PIK3C2A: variants seen among roughly 807,000 people sequenced by gnomAD.
PIK3C2A encodes phosphatidylinositol 4-phosphate 3-kinase C2 domain-containing subunit alpha.
In PIK3C2A, 97 loss-of-function variants were observed where a neutral mutation model predicts 204.5. The ratio of observed to expected loss-of-function variants is 0.47; its 90% CI spans 0.40 to 0.56. The LOEUF (loss-of-function observed/expected upper bound fraction) is 0.56, where lower values mean the gene tolerates loss of function less well. PIK3C2A is among the 20% of genes least tolerant of loss of function. The pLI, the probability that PIK3C2A is intolerant of heterozygous loss-of-function variation, is 0.00. For synonymous variants in PIK3C2A, 653 were observed against 664.4 expected, an observed-to-expected ratio of 0.98 and a Z score of 0.26; for missense variants, 1,735 against 1,969.2, an observed-to-expected ratio of 0.88 and a Z score of 2.25.
At chr11:17,124,089 C>T (rs910262223) in intron 13 of PIK3C2A, among the ~76,000 whole-genome samples, 9 of 151,856 alleles carry the variant, frequency 5.9e-5, no homozygotes, top group Non-Finnish European at 1.3e-4. Context: ...GGTTGGAATG[C>T]GCGGTGTGAT....
chr11:17,118,548 A>C, intron 18 of PIK3C2A, 97 bp downstream of exon 18: 1 of 631,510 alleles, frequency 1.6e-6, no homozygotes. Flanking sequence ...TTGTATCCAC[A>C]ATAAGTAGTG....
At chr11:17,108,265 AAGTTAAT>A (rs1259638181) in intron 22 of PIK3C2A, among the ~76,000 whole-genome samples, 1 of 152,224 alleles carries the variant, frequency 6.6e-6, no homozygotes, top group East Asian at 1.9e-4. Flanking sequence ...AAATATAACA[AAGTTAAT>A]AGCTAACGTC....
rs1260643564 is a variant in PIK3C2A at position 17,122,253 on chromosome 11, T to C, written c.2592A>G (p.Leu864=). ...CTTTTATATCATTCTCTAGTGTTTC[T>C]AAGTTATGTTGCTGTATAATGCTTC... ...VDRSIIQQHN[L]ETLENDIKGK... is the part of the protein sequence containing the mutation. The change falls in exon 15 of 33, where the codon TTA becomes TTG. Residue 864 remains leucine, a synonymous_variant. Transcript: ENST00000691414. The C allele has an allele frequency of 1.9e-5, 29 of 1,525,450 alleles. No individual in the cohort carries two copies. The highest frequency in any genetic ancestry group is 2.5e-5 in the Non-Finnish European group (27 of 1,101,356). 94.5% of individuals were successfully genotyped at this position (1,525,450 alleles called of 1,614,324 possible). A position where few individuals can be genotyped will look rare whatever the true frequency, so the allele number is the denominator to read the frequency against.
chr11:17,142,596 T>C (rs1372213240), intron 8 of PIK3C2A, among the ~76,000 whole-genome samples: 2 of 152,224 alleles, frequency 1.3e-5, no homozygotes, highest in East Asian at 1.9e-4. Context: ...AAGATGATTG[T>C]TTGAGCCCAG....
chr11:17,178,305 A>G (rs1450604393), intron 1 of PIK3C2A, among the ~76,000 whole-genome samples: 1 of 152,098 alleles, frequency 6.6e-6, no homozygotes, highest in Non-Finnish European at 1.5e-5. Flanking sequence ...CTCAATTTGG[A>G]CTAGTTACAT....
At chr11:17,144,000 A>G (rs567561693) in intron 8 of PIK3C2A, among the ~76,000 whole-genome samples, 1 of 152,062 alleles carries the variant, frequency 6.6e-6, no homozygotes, top group Non-Finnish European at 1.5e-5. Context: ...TTTTTTTTTA[A>G]TTTACAAATT....
At chr11:17,181,679 CACACACACACACACAA>C (rs1192840200) in intron 1 of PIK3C2A, among the ~76,000 whole-genome samples, 11 of 127,824 alleles carry the variant, frequency 8.6e-5, no homozygotes, top group Non-Finnish European at 1.2e-4. Flanking sequence ...CACACACACA[CACACACACACACACAA>C]ACACACACAC....
intron 8 of PIK3C2A, among the ~76,000 whole-genome samples, chr11:17,143,224 A>G (rs888119600): frequency 6.6e-6 from 1 of 151,916 alleles, no homozygotes; most frequent in South Asian, 2.1e-4. Context: ...CTACACTCAT[A>G]CTCTTTCCCC....
In PIK3C2A at chr11:17,114,456, G is replaced by A. The variant is rs1485348453; in HGVS notation, c.3226C>T (p.Gln1076Ter). The part of the protein sequence containing the change: ...ASGSARQVVL[Q>*]RSMERVQSFF... ...GACTGTACTCGTTCCATACTTCTTTGGAGAACAACCTATAGAAAGAGATGT... is the reference window on the plus strand; with the variant it reads ...GACTGTACTCGTTCCATACTTCTTTAGAGAACAACCTATAGAAAGAGATGT... The change falls in exon 20 of 33, where the codon CAA (glutamine) becomes TAA (stop). Residue 1076 changes from glutamine (Q) to a stop codon, truncating the protein, a stop_gained. Transcript: ENST00000691414. LOFTEE classifies it high-confidence loss of function. The A allele has an allele frequency of 4.0e-6, 6 of 1,502,338 alleles. No individual in the cohort carries two copies. Among genetic ancestry groups the A allele is most frequent in the Non-Finnish European group, 5.6e-6 (6 of 1,079,952 alleles). 93.1% of individuals were successfully genotyped at this position (1,502,338 alleles called of 1,614,324 possible).
Position 17,167,317 on chromosome 11 carries a change from G to GT in PIK3C2A, c.1065+1359dup, listed in dbSNP as rs200127165. On this transcript the variant is annotated intron_variant, in intron 2 of 32. Coordinates refer to ENST00000691414, the MANE Select transcript of PIK3C2A (RefSeq NM_002645.4). ...TCTCTTCCTTCCAGACATCCAAAATGTTTTTTTTTTAAGTCAACAATTTGG... is the reference window on the plus strand; with the variant it reads ...TCTCTTCCTTCCAGACATCCAAAATGTTTTTTTTTTTAAGTCAACAATTTGG... 1.2e-3 allele frequency among the ~76,000 whole-genome samples: 183 copies of GT among 149,054 alleles called. 1 individual carries two copies. Among genetic ancestry groups the GT allele is most frequent in the Non-Finnish European group, 2.1e-3 (141 of 66,980 alleles).
chr11:17,102,298 G>C (rs566137851), intron 24 of PIK3C2A, among the ~76,000 whole-genome samples: 1 of 152,082 alleles, frequency 6.6e-6, no homozygotes, highest in Non-Finnish European at 1.5e-5. Context: ...TTAGCCGGGC[G>C]TGGTGGCGGG....
At position 17,089,828 on chromosome 11, in the gene PIK3C2A, GA is replaced by G; in HGVS notation, c.4970del (p.Phe1657SerfsTer5). On this transcript the variant is annotated frameshift_variant, in exon 33 of 33. Coordinates refer to ENST00000691414, the MANE Select transcript of PIK3C2A (RefSeq NM_002645.4). LOFTEE classifies it high-confidence loss of function. ...LSAESLRENF[F>X]LGGVTLPLKD... is the part of the protein sequence containing the mutation. ...TCAAAGGCAGGGTTACTCCACCCAA[GA>G]AAAAATTCTCCCGCAGAGATTCTGC... The G allele has an allele frequency of 6.2e-7, 1 of 1,613,832 alleles. No individual in the cohort carries two copies. Among genetic ancestry groups the G allele is most frequent in the Non-Finnish European group, 8.5e-7 (1 of 1,179,760 alleles).
chr11:17,145,543 A>G (rs914539206), intron 8 of PIK3C2A, 125 bp downstream of exon 8: 3 of 608,402 alleles, frequency 4.9e-6, no homozygotes, highest in South Asian at 4.6e-5. Context: ...TTCTTTATAA[A>G]TTAAAAAGAA....
At chr11:17,163,345 GTTTAAT>G (rs933501489) in intron 2 of PIK3C2A, among the ~76,000 whole-genome samples, 4 of 152,104 alleles carry the variant, frequency 2.6e-5, no homozygotes, top group Non-Finnish European at 4.4e-5. Context: ...AATAGGACTT[GTTTAAT>G]TTTAAGTTTT....
chr11:17,158,077 C>T (rs559411475), intron 2 of PIK3C2A, among the ~76,000 whole-genome samples: 4 of 152,224 alleles, frequency 2.6e-5, no homozygotes, highest in East Asian at 1.9e-4. Flanking sequence ...TGGCTGGGCA[C>T]GGTGGCTCAT....
intron 1 of PIK3C2A, among the ~76,000 whole-genome samples, chr11:17,186,677 G>A (rs1190750913): frequency 2.6e-5 from 4 of 152,114 alleles, no homozygotes; most frequent in South Asian, 2.1e-4. Flanking sequence ...TGTATATCTC[G>A]GAATTCTTCT....
chr11:17,181,505 G>A (rs955723237), intron 1 of PIK3C2A, among the ~76,000 whole-genome samples: 6 of 151,334 alleles, frequency 4.0e-5, no homozygotes, highest in Admixed American at 2.6e-4. Context: ...GGTGTGGCAT[G>A]CCCGTAGTCC....
chr11:17,110,600 CA>C, intron 21 of PIK3C2A, 39 bp from the exon 22 acceptor site: 2 of 1,576,964 alleles, frequency 1.3e-6, no homozygotes, highest in South Asian at 2.3e-5. Flanking sequence ...TGTACATCTC[CA>C]AAAGACTTAA....
chr11:17,102,666 T>A lies in PIK3C2A; in HGVS notation c.3847A>T (p.Lys1283Ter). ...GCAACAGCAATAACATTATACCTTT[T>A]GAAGCTGCCAAACATCTGTGCATGT... ...LGHAQMFGSF[K>*]RDRAPFVLTS... The change falls in exon 24 of 33, where the codon AAA becomes TAA. Residue 1283 changes from lysine to a stop codon, truncating the protein, a stop_gained. Coordinates refer to ENST00000691414, the MANE Select transcript of PIK3C2A (RefSeq NM_002645.4). LOFTEE classifies it high-confidence loss of function. 1.9e-6 allele frequency: 3 copies of A among 1,607,814 alleles called. No homozygotes were observed. The highest frequency in any genetic ancestry group is 2.5e-6 in the Non-Finnish European group (3 of 1,177,904).
Sources: gnomAD v4.1 joint callset for allele counts (sites outside exome capture counted in the v4.1 genomes callset) on GRCh38, gnomAD v4.1.1 for gene constraint, MANE v1.5 for transcripts, NCBI Gene and HGNC (gene_info 2026-07-23, HGNC 2026-07-21) for gene names.